PMS1: variants seen among roughly 807,000 people sequenced by gnomAD.
PMS1 encodes the protein PMS1 homolog 1, mismatch repair system component.
A neutral mutation model predicts 93.1 loss-of-function variants in PMS1; 79 were observed. That is an observed-to-expected ratio of 0.85 (90% confidence interval 0.71 to 1.02). PMS1 has a LOEUF of 1.02. PMS1 is among the 50% of genes least tolerant of loss of function. The pLI, the probability that PMS1 is intolerant of heterozygous loss-of-function variation, is 0.00. For missense variants in PMS1, 1,064 were observed against 1,085.3 expected (o/e 0.98, Z 0.28); for synonymous variants, 335 against 363.4 (o/e 0.92, Z 0.89).
chr2:189,837,641 A>G (rs1316213123), intron 5 of PMS1, among the ~76,000 whole-genome samples: 2 of 152,220 alleles, frequency 1.3e-5, no homozygotes, highest in Admixed American at 6.5e-5. Context: ...CAGTTCTTCA[A>G]AAAACATGGA....
At chr2:189,799,730 CT>C (rs2049708885) in intron 3 of PMS1, among the ~76,000 whole-genome samples, 1 of 152,202 alleles carries the variant, frequency 6.6e-6, no homozygotes, top group African/African-American at 2.4e-5. Context: ...TGACTCACCC[CT>C]GAGTCTCCAT....
intron 3 of PMS1, among the ~76,000 whole-genome samples, chr2:189,799,754 C>T (rs1363109939): frequency 1.3e-5 from 2 of 152,204 alleles, no homozygotes; most frequent in Non-Finnish European, 2.9e-5. Context: ...GGAGCTTGCC[C>T]TTACCGCAGC....
chr2:189,855,180 A>T, intron 9 of PMS1, 52 bp downstream of exon 9: 1 of 1,456,928 alleles, frequency 6.9e-7, no homozygotes, highest in Non-Finnish European at 9.6e-7. Context: ...TTTCCATTCT[A>T]TATGACTCAC....
At chr2:189,836,160 A>G (rs2053369788) in intron 5 of PMS1, among the ~76,000 whole-genome samples, 1 of 152,210 alleles carries the variant, frequency 6.6e-6, no homozygotes, top group South Asian at 2.1e-4. Flanking sequence ...GCCTTTACAA[A>G]CAATTGAGGT....
intron 5 of PMS1, among the ~76,000 whole-genome samples, chr2:189,820,635 T>G (rs1288831974): frequency 6.6e-6 from 1 of 152,172 alleles, no homozygotes; most frequent in Non-Finnish European, 1.5e-5. Context: ...ATTTTAATAC[T>G]ACTTTATATT....
intron 3 of PMS1, among the ~76,000 whole-genome samples, chr2:189,799,196 C>G (rs1221377332): frequency 6.6e-6 from 1 of 152,154 alleles, no homozygotes; most frequent in East Asian, 1.9e-4. Flanking sequence ...CAAAGTATCA[C>G]AATAGTGGAA....
At chr2:189,839,716 A>G (rs2053666091) in intron 5 of PMS1, among the ~76,000 whole-genome samples, 1 of 152,146 alleles carries the variant, frequency 6.6e-6, no homozygotes, top group African/African-American at 2.4e-5. Context: ...AATTATTTTA[A>G]GATTTTGCTT....
intron 5 of PMS1, among the ~76,000 whole-genome samples, chr2:189,839,016 G>GTC (rs915127050): frequency 2.6e-5 from 4 of 151,760 alleles, no homozygotes; most frequent in African/African-American, 2.4e-5. Context: ...TTGAGACAGA[G>GTC]TCTCTCTCTC....
intron 4 of PMS1, among the ~76,000 whole-genome samples, chr2:189,817,258 A>G (rs917916695): frequency 6.6e-6 from 1 of 152,110 alleles, no homozygotes; most frequent in African/African-American, 2.4e-5. Flanking sequence ...ATGATTCTCT[A>G]CTCTGACTGT....
chr2:189,809,280 A>G (rs955880079), intron 4 of PMS1, among the ~76,000 whole-genome samples: 2 of 152,244 alleles, frequency 1.3e-5, no homozygotes, highest in South Asian at 2.1e-4. Flanking sequence ...AGGGTCATGT[A>G]AAAATATAAC....
chr2:189,791,972 A>T, intron 2 of PMS1, 31 bp downstream of exon 2: 1 of 1,604,148 alleles, frequency 6.2e-7, no homozygotes, highest in Non-Finnish European at 8.5e-7. Flanking sequence ...AAATACCTTT[A>T]AGACAAAGAA....
chr2:189,874,583 AAAAC>A (rs1391485773), intron 12 of PMS1, among the ~76,000 whole-genome samples: 3 of 152,232 alleles, frequency 2.0e-5, no homozygotes, highest in Non-Finnish European at 4.4e-5. Context: ...TATTATTTAA[AAAAC>A]AAACCTGAAC....
chr2:189,804,417 A>T (rs1486866178), intron 3 of PMS1, among the ~76,000 whole-genome samples: 1 of 152,190 alleles, frequency 6.6e-6, no homozygotes, highest in Admixed American at 6.5e-5. Flanking sequence ...CCTTAAGAGT[A>T]CTCAGAAACT....
At chr2:189,862,142 A>T (rs1171331537) in intron 9 of PMS1, among the ~76,000 whole-genome samples, 4 of 152,108 alleles carry the variant, frequency 2.6e-5, no homozygotes, top group African/African-American at 9.7e-5. Flanking sequence ...GTTTTGCCTT[A>T]GGTCACTGCA....
intron 5 of PMS1, among the ~76,000 whole-genome samples, chr2:189,820,700 A>T (rs1171784744): frequency 6.6e-6 from 1 of 152,198 alleles, no homozygotes; most frequent in African/African-American, 2.4e-5. Context: ...TGAGATAGAA[A>T]GCATTATCTC....
intron 5 of PMS1, among the ~76,000 whole-genome samples, chr2:189,822,181 G>C (rs998185909): frequency 6.6e-6 from 1 of 152,186 alleles, no homozygotes; most frequent in African/African-American, 2.4e-5. Flanking sequence ...GAGGAGGCGG[G>C]GCTGGCGCTG....
chr2:189,828,824 CAG>C (rs1202751584), intron 5 of PMS1, among the ~76,000 whole-genome samples: 2 of 144,514 alleles, frequency 1.4e-5, no homozygotes, highest in Non-Finnish European at 3.0e-5. Flanking sequence ...CATTTGATGA[CAG>C]AGTTCACTGA....
At chr2:189,850,849 T>C (rs770785601) in intron 6 of PMS1, among the ~76,000 whole-genome samples, 58 of 152,104 alleles carry the variant, frequency 3.8e-4, no homozygotes, top group Non-Finnish European at 6.8e-4. Context: ...TAGTGTCCCT[T>C]GGAGTTGGTT....
intron 12 of PMS1, among the ~76,000 whole-genome samples, chr2:189,876,828 T>A (rs1335051047): frequency 6.8e-6 from 1 of 146,020 alleles, no homozygotes; most frequent in Non-Finnish European, 1.5e-5. Context: ...CCCAGGCTGG[T>A]CTCGAACTCC....
Sources: gnomAD v4.1 joint callset for allele counts (sites outside exome capture counted in the v4.1 genomes callset) on GRCh38, gnomAD v4.1.1 for gene constraint, MANE v1.5 for transcripts, NCBI Gene and HGNC (gene_info 2026-07-23, HGNC 2026-07-21) for gene names.